Variants in ABHD12B observed in about 807,000 individuals in gnomAD.
The protein encoded by ABHD12B is abhydrolase domain containing 12B.
ABHD12B carries 42 observed loss-of-function variants against 50.4 expected under a neutral mutation model. That is an observed-to-expected ratio of 0.83 (90% CI 0.65 to 1.08). ABHD12B has a LOEUF of 1.08. ABHD12B is among the 50% of genes least tolerant of loss of function. The pLI is 0.00. For synonymous variants in ABHD12B, 167 were observed against 160.3 expected, an observed-to-expected ratio of 1.04 and a Z score of -0.32; for missense variants, 479 against 447.7, an observed-to-expected ratio of 1.07 and a Z score of -0.63.
At position 50,890,935 on chromosome 14, in the gene ABHD12B, G is replaced by A. The variant is rs1679134087; in HGVS notation, c.780+2032G>A. 2 of 152,142 alleles carry A rather than the reference G, an allele frequency of 1.3e-5. 1 individual carries two copies. Among genetic ancestry groups the A allele is most frequent in the African/African-American group, 4.8e-5 (2 of 41,432 alleles). 9.4% of individuals were successfully genotyped at this position (152,142 alleles called of 1,614,324 possible). ...CTTTACTCTCTCACCAATCCTGTAT[G>A]AGAGCTCCAGTTGCTTCAAATCCTT... On this transcript the variant is annotated intron_variant, in intron 9 of 12. Transcript: ENST00000337334.
At chr14:50,884,016 C>G (rs549426887) in intron 5 of ABHD12B, among the ~76,000 whole-genome samples, 58 of 64,278 alleles carry the variant, frequency 9.0e-4, no homozygotes, top group African/African-American at 2.7e-3. Flanking sequence ...TATAGACATT[C>G]TTCCATGTTT....
intron 5 of ABHD12B, among the ~76,000 whole-genome samples, chr14:50,882,630 T>C (rs978064004): frequency 5.3e-5 from 8 of 152,008 alleles, no homozygotes; most frequent in Non-Finnish European, 1.2e-4. Flanking sequence ...TCCGCCTACC[T>C]TGGCCTCCCA....
chr14:50,888,950 G>T, intron 9 of ABHD12B, 47 bp downstream of exon 9: 1 of 1,511,642 alleles, frequency 6.6e-7, no homozygotes, highest in South Asian at 1.1e-5. Context: ...AGGCTATTTT[G>T]ATACAGTGTA....
At chr14:50,888,321 A>T (rs1203632584) in intron 8 of ABHD12B, among the ~76,000 whole-genome samples, 7 of 150,996 alleles carry the variant, frequency 4.6e-5, no homozygotes, top group Non-Finnish European at 7.4e-5. Flanking sequence ...CTTCTGCCTC[A>T]GCCTCTCGAG....
chr14:50,882,973 C>A (rs375979104), intron 5 of ABHD12B, among the ~76,000 whole-genome samples: 333 of 112,798 alleles, frequency 3.0e-3, no homozygotes, highest in Middle Eastern at 5.3e-3. Context: ...GACCCTGACT[C>A]AAAAAAAAAA....
chr14:50,885,701 G>A, intron 6 of ABHD12B, 42 bp downstream of exon 6: 2 of 1,614,138 alleles, frequency 1.2e-6, no homozygotes, highest in Non-Finnish European at 1.7e-6. Flanking sequence ...TCAGTAACCA[G>A]GGGGCCTCTG....
At chr14:50,899,782 C>T (rs972954009) in intron 9 of ABHD12B, among the ~76,000 whole-genome samples, 14 of 152,008 alleles carry the variant, frequency 9.2e-5, no homozygotes, top group African/African-American at 2.7e-4. Flanking sequence ...ATTACCTGGG[C>T]GTGGTGATGC....
At chr14:50,876,621 T>C (rs1359022733) in intron 1 of ABHD12B, among the ~76,000 whole-genome samples, 2 of 152,202 alleles carry the variant, frequency 1.3e-5, no homozygotes, top group African/African-American at 4.8e-5. Flanking sequence ...ACCAAGACTG[T>C]GACATCCTGG....
intron 6 of ABHD12B, 53 bp from the exon 7 acceptor site, chr14:50,885,713 T>C: frequency 6.2e-7 from 1 of 1,614,214 alleles, no homozygotes; most frequent in Non-Finnish European, 8.5e-7. Context: ...GGGCCTCTGA[T>C]GACCCCTCAT....
chr14:50,888,244 G>C (rs562391677), intron 8 of ABHD12B, among the ~76,000 whole-genome samples: 3 of 145,424 alleles, frequency 2.1e-5, no homozygotes, highest in African/African-American at 7.6e-5. Context: ...TTGCTCTGTC[G>C]CCAGGCTGGA....
chr14:50,893,073 C>G (rs987442848), intron 9 of ABHD12B: 4 of 152,130 alleles, frequency 2.6e-5, no homozygotes, highest in Admixed American at 2.6e-4. Context: ...GCAAATTTTC[C>G]ATATGCTTGA....
At position 50,890,182 on chromosome 14, in the gene ABHD12B, T is replaced by G; in HGVS notation, c.780+1279T>G. Among the ~76,000 whole-genome samples the G allele has an allele frequency of 2.0e-5, 3 of 152,330 alleles. 1 individual carries two copies. The Middle Eastern group carries it at 0.01, about 518-fold the overall frequency. ...ATATCTATCATATTACTCTAAGTCA[T>G]TACTAATAAATTCATTAAATTGTAG... is the stretch of plus-strand genomic sequence containing the variant. On this transcript the variant is annotated intron_variant, in intron 9 of 12. Coordinates refer to ENST00000337334, the MANE Select transcript of ABHD12B (RefSeq NM_001206673.2).
chr14:50,887,328 G>T (rs1323590096), intron 8 of ABHD12B, among the ~76,000 whole-genome samples: 3 of 150,328 alleles, frequency 2.0e-5, no homozygotes, highest in African/African-American at 4.9e-5. Context: ...GCCCTTCTTA[G>T]TAATATTTAT....
intron 9 of ABHD12B, among the ~76,000 whole-genome samples, chr14:50,901,503 T>C (rs2050259372): frequency 6.9e-6 from 1 of 144,622 alleles, no homozygotes; most frequent in South Asian, 2.2e-4. Context: ...ATGTTCACAA[T>C]AGAAGCAATT....
Position 50,885,839 on chromosome 14 carries a change from C to G in ABHD12B, c.606C>G (p.Thr202=), listed in dbSNP as rs2050028060. 6.2e-7 allele frequency: 1 copy of G among 1,613,992 alleles called. No individual in the cohort carries two copies. Among genetic ancestry groups the G allele is most frequent in the African/African-American group, 1.3e-5 (1 of 74,888 alleles). ...ATGCCATTTGTGTCTATGAGTGGACCAAGGCAAGAAGTGGCATCACTCCCG... is the reference window on the plus strand; with the variant it reads ...ATGCCATTTGTGTCTATGAGTGGACGAAGGCAAGAAGTGGCATCACTCCCG... ...TTDAICVYEW[T]KARSGITPVC... Residue 202 remains threonine, a synonymous_variant, in exon 7 of 13, where the codon ACC becomes ACG. Transcript: ENST00000337334.
chr14:50,903,378 C>T lies in ABHD12B; in HGVS notation c.864-11C>T, dbSNP rs2050286754. The T allele has an allele frequency of 3.1e-6, 5 of 1,600,534 alleles. No individual in the cohort carries two copies. The South Asian group carries it at 5.5e-5, about 18-fold the overall frequency. ...TCTTTAACTGAATGCTTTTCTTCTA[C>T]TTGTCCCTAGTGTTAAATTCCTTTC... On this transcript the variant is annotated splice_polypyrimidine_tract_variant and intron_variant, in intron 10 of 12. Transcript: ENST00000337334.
intron 5 of ABHD12B, among the ~76,000 whole-genome samples, chr14:50,885,191 G>A (rs922769036): frequency 5.3e-5 from 8 of 152,186 alleles, no homozygotes; most frequent in East Asian, 1.9e-4. Context: ...ACTGAGCCTC[G>A]CCTTCTCAAG....
At chr14:50,882,991 T>C (rs1157268886) in intron 5 of ABHD12B, among the ~76,000 whole-genome samples, 2 of 51,626 alleles carry the variant, frequency 3.9e-5, no homozygotes, top group Non-Finnish European at 4.7e-5. Context: ...AAAAAAAAAG[T>C]CATTGAAACC....
Position 50,885,609 on chromosome 14 carries a change from C to T in ABHD12B, c.487-5C>T. The T allele has an allele frequency of 6.2e-7, 1 of 1,614,104 alleles. No individual in the cohort carries two copies. Among genetic ancestry groups the T allele is most frequent in the Non-Finnish European group, 8.5e-7 (1 of 1,180,008 alleles). On this transcript the variant is annotated splice_polypyrimidine_tract_variant and splice_region_variant and intron_variant, in intron 5 of 12. Coordinates refer to ENST00000337334, the MANE Select transcript of ABHD12B (RefSeq NM_001206673.2). ...TAAAGTGATAACAGCTCCTTTGTTA[C>T]CTAGGTGCTGAGTGATGGTGGCTTT... is the stretch of plus-strand genomic sequence containing the variant.
Sources: gnomAD v4.1 joint callset for allele counts (sites outside exome capture counted in the v4.1 genomes callset) on GRCh38, gnomAD v4.1.1 for gene constraint, MANE v1.5 for transcripts, NCBI Gene and HGNC (gene_info 2026-07-23, HGNC 2026-07-21) for gene names.